The following AGBL1 variants were observed in gnomAD, a reference collection of about 807,000 sequenced individuals.
AGBL1 encodes AGBL carboxypeptidase 1, also known as cytosolic carboxypeptidase 4.
AGBL1 carries 130 observed loss-of-function variants against 118.9 expected under a neutral mutation model. The observed-to-expected ratio is 1.09, with a 90% confidence interval of 0.95 to 1.26. The LOEUF is 1.26. Among genes scored for constraint, AGBL1 ranks in the 50% most tolerant of loss-of-function variants. AGBL1 has a pLI of 0.00. For missense variants in AGBL1, 1,584 were observed against 1,298.1 expected, an observed-to-expected ratio of 1.22 and a Z score of -3.38; for synonymous variants, 555 against 478.9, an observed-to-expected ratio of 1.16 and a Z score of -2.08.
At chr15:86,699,849 G>C (rs1030159414) in intron 22 of AGBL1, among the ~76,000 whole-genome samples, 1 of 152,006 alleles carries the variant, frequency 6.6e-6, no homozygotes, top group African/African-American at 2.4e-5. Flanking sequence ...TTTGTGAGAT[G>C]CTACCCTGAG....
intron 1 of AGBL1, among the ~76,000 whole-genome samples, chr15:86,096,873 T>C (rs1896409441): frequency 6.6e-6 from 1 of 152,158 alleles, no homozygotes; most frequent in Non-Finnish European, 1.5e-5. Context: ...TAAGATCCCC[T>C]CTTTGTGAAA....
At chr15:86,191,520 G>A (rs969077159) in intron 5 of AGBL1, among the ~76,000 whole-genome samples, 1 of 152,034 alleles carries the variant, frequency 6.6e-6, no homozygotes, top group Non-Finnish European at 1.5e-5. Flanking sequence ...AAGTCAAAGA[G>A]ATTAATGCAA....
At chr15:86,382,506 C>A (rs1034046773) in intron 17 of AGBL1, among the ~76,000 whole-genome samples, 5 of 151,968 alleles carry the variant, frequency 3.3e-5, no homozygotes, top group African/African-American at 1.2e-4. Context: ...GTAAATATAC[C>A]TAATTCTAAA....
intron 18 of AGBL1, among the ~76,000 whole-genome samples, chr15:86,456,544 C>G (rs1040735343): frequency 4.6e-5 from 7 of 152,148 alleles, no homozygotes; most frequent in Admixed American, 1.3e-4. Context: ...AGAGGAGAAG[C>G]CTTCAAAGGG....
rs1378136978 is a variant in AGBL1, at chr15:86,230,358, T to C, written c.526+5407T>C. On this transcript the variant is annotated intron_variant, in intron 6 of 22. Coordinates refer to ENST00000614907, the MANE Select transcript of AGBL1 (RefSeq NM_001386094.1). Reference sequence around the variant, plus strand: ...ATCTTTGATATGCACCCAAATCAGGTCTTTATAAGAATTCTAAGAGTTCCA... The same window carrying C: ...ATCTTTGATATGCACCCAAATCAGGCCTTTATAAGAATTCTAAGAGTTCCA... Among the ~76,000 whole-genome samples, 3 of 152,226 alleles carry C rather than the reference T, an allele frequency of 2.0e-5. No individual in the cohort carries two copies. In the East Asian group the frequency reaches 5.8e-4, roughly 29 times the overall value.
At chr15:86,399,031 A>G (rs1281185485) in intron 18 of AGBL1, among the ~76,000 whole-genome samples, 1 of 151,846 alleles carries the variant, frequency 6.6e-6, no homozygotes, top group Non-Finnish European at 1.5e-5. Context: ...GAGGGCAGAG[A>G]ATGTTGGGCA....
chr15:86,153,694 A>G (rs940729247), intron 3 of AGBL1, among the ~76,000 whole-genome samples: 4 of 152,124 alleles, frequency 2.6e-5, no homozygotes, highest in African/African-American at 9.7e-5. Context: ...GGATAATTTT[A>G]TTTTCTTAAC....
intron 5 of AGBL1, among the ~76,000 whole-genome samples, chr15:86,207,992 A>G (rs1201544077): frequency 7.5e-6 from 1 of 133,538 alleles, no homozygotes; most frequent in Non-Finnish European, 1.6e-5. Flanking sequence ...CGTCCCATCA[A>G]TACTTAGTTT....
chr15:86,377,936 A>G (rs938087388), intron 17 of AGBL1, among the ~76,000 whole-genome samples: 6 of 152,120 alleles, frequency 3.9e-5, no homozygotes, highest in Admixed American at 1.3e-4. Context: ...CTTCTTTCCC[A>G]TGGTAGAAGA....
At chr15:86,890,322 T>A (rs966023400) in intron 22 of AGBL1, among the ~76,000 whole-genome samples, 13 of 152,208 alleles carry the variant, frequency 8.5e-5, no homozygotes, top group Non-Finnish European at 1.5e-4. Flanking sequence ...GCAAAAATTG[T>A]CTCCCATTCT....
At chr15:86,213,491 G>T (rs1215474021) in intron 5 of AGBL1, among the ~76,000 whole-genome samples, 1 of 152,136 alleles carries the variant, frequency 6.6e-6, no homozygotes, top group Admixed American at 6.5e-5. Flanking sequence ...GAACTTCGGG[G>T]CTGGAGCTTA....
intron 4 of AGBL1, among the ~76,000 whole-genome samples, chr15:86,156,969 T>C (rs1225619762): frequency 6.6e-6 from 1 of 152,016 alleles, no homozygotes; most frequent in Non-Finnish European, 1.5e-5. Flanking sequence ...TTTGTATTTT[T>C]AGTAAAGACG....
chr15:86,884,675 G>T (rs952412245), intron 22 of AGBL1, among the ~76,000 whole-genome samples: 1 of 152,122 alleles, frequency 6.6e-6, no homozygotes, highest in African/African-American at 2.4e-5. Context: ...AGCCAGATCT[G>T]GTGGTGTGCA....
intron 18 of AGBL1, among the ~76,000 whole-genome samples, chr15:86,418,522 T>G (rs950543771): frequency 6.6e-6 from 1 of 152,222 alleles, no homozygotes; most frequent in African/African-American, 2.4e-5. Context: ...CATATTTCCC[T>G]GTTAATATGC....
intron 17 of AGBL1, among the ~76,000 whole-genome samples, chr15:86,320,584 A>G (rs2080090184): frequency 6.6e-6 from 1 of 151,286 alleles, no homozygotes; most frequent in Non-Finnish European, 1.5e-5. Flanking sequence ...TATATTCTTT[A>G]TTTTCTCTTT....
intron 5 of AGBL1, among the ~76,000 whole-genome samples, chr15:86,216,075 A>G (rs2078183025): frequency 6.6e-6 from 1 of 152,212 alleles, no homozygotes; most frequent in Non-Finnish European, 1.5e-5. Flanking sequence ...ATAGAGATAC[A>G]ATTGACGTTT....
chr15:86,629,402 T>C (rs1166154515), intron 21 of AGBL1, among the ~76,000 whole-genome samples: 2 of 152,220 alleles, frequency 1.3e-5, no homozygotes, highest in East Asian at 1.9e-4. Flanking sequence ...ATGAGTCTTA[T>C]GATTATCTGC....
chr15:86,854,007 T>G (rs1316878161), intron 22 of AGBL1, among the ~76,000 whole-genome samples: 1 of 152,168 alleles, frequency 6.6e-6, no homozygotes, highest in Non-Finnish European at 1.5e-5. Flanking sequence ...CAGCAATTTT[T>G]TTTTAAATAT....
intron 22 of AGBL1, among the ~76,000 whole-genome samples, chr15:86,849,822 C>A (rs28524607): frequency 0.095 from 14,391 of 152,242 alleles, 772 homozygotes; most frequent in African/African-American, 0.13. Context: ...CAGCAAGGTT[C>A]TCCTGCCTCA....
Sources: gnomAD v4.1 joint callset for allele counts (sites outside exome capture counted in the v4.1 genomes callset) on GRCh38, gnomAD v4.1.1 for gene constraint, MANE v1.5 for transcripts, NCBI Gene and HGNC (gene_info 2026-07-23, HGNC 2026-07-21) for gene names.